The following PDK3 variants were observed in gnomAD, a reference collection of about 807,000 sequenced individuals.
The protein encoded by PDK3 is pyruvate dehydrogenase kinase, isozyme 3.
Under a neutral mutation model 32.0 loss-of-function variants are expected in PDK3, and 12 were observed. That is an observed-to-expected ratio of 0.37 (90% CI 0.24 to 0.61). The LOEUF is 0.61. PDK3 is among the 20% of genes least tolerant of loss of function. The pLI is 0.65. For synonymous variants in PDK3, 122 were observed against 116.3 expected, an observed-to-expected ratio of 1.05 and a Z score of -0.31; for missense variants, 188 against 316.9, an observed-to-expected ratio of 0.59 and a Z score of 3.09.
At chrX:24,521,228 G>A (rs902079806) in intron 6 of PDK3, among the ~76,000 whole-genome samples, 9 of 97,555 alleles carry the variant, frequency 9.2e-5, no homozygotes, top group Admixed American at 8.5e-4. Context: ...GCAGTGAGCC[G>A]AGATCACATG....
exon 12 of PDK3, chrX:24,545,894 G>A (rs1196863509): frequency 1.8e-5 from 2 of 111,880 alleles, no homozygotes; most frequent in Non-Finnish European, 3.8e-5. Context: ...TGAATAGTAC[G>A]ATTGAGAGAT....
downstream of PDK3, among the ~76,000 whole-genome samples, chrX:24,535,523 G>A (rs1250931671): frequency 2.5e-5 from 2 of 81,125 alleles, no homozygotes; most frequent in African/African-American, 5.7e-5. Flanking sequence ...AAAAAAAAAA[G>A]AAGAAGAAGA....
At chrX:24,480,313 A>G (rs1040689035) in intron 1 of PDK3, among the ~76,000 whole-genome samples, 1 of 112,572 alleles carries the variant, frequency 8.9e-6, no homozygotes, top group Non-Finnish European at 1.9e-5. Context: ...AGACAACAGT[A>G]CATGGGTAAA....
chrX:24,494,716 A>T, intron 1 of PDK3, 26 bp from the exon 2 acceptor site: 1 of 1,137,804 alleles, frequency 8.8e-7, no homozygotes, highest in Admixed American at 2.4e-5. Context: ...CTATAAAATC[A>T]TGGAACATTT....
intron 6 of PDK3, 63 bp from the exon 7 acceptor site, chrX:24,526,135 A>G: frequency 1.2e-6 from 1 of 828,912 alleles, no homozygotes; most frequent in Non-Finnish European, 1.8e-6. Context: ...GAATGCAAAC[A>G]TCATTCTTGA....
At chrX:24,470,073 G>C in intron 1 of PDK3, among the ~76,000 whole-genome samples, 1 of 111,789 alleles carries the variant, frequency 8.9e-6, no homozygotes. Context: ...TCCTGGGTTT[G>C]TTTTATTGAT....
chrX:24,533,796 G>T lies in PDK3; in HGVS notation c.1078-133G>T, dbSNP rs963891628. The T allele has an allele frequency of 1.3e-4, 85 of 661,689 alleles. 1 individual carries two copies. In the African/African-American group the frequency reaches 1.8e-3, roughly 14 times the overall value. 54.5% of individuals were successfully genotyped at this position (661,689 alleles called of 1,213,427 possible). A position where few individuals can be genotyped will look rare whatever the true frequency, so the allele number is the denominator to read the frequency against. Reference sequence around the variant, plus strand: ...TGGCCAGTCTAAGTAAACTACTAAGGTGTAATTTTAATATCATTTTGAAAA... The same window carrying T: ...TGGCCAGTCTAAGTAAACTACTAAGTTGTAATTTTAATATCATTTTGAAAA... On this transcript the variant is annotated intron_variant, in intron 10 of 10. Coordinates refer to ENST00000379162, the MANE Select transcript of PDK3 (RefSeq NM_005391.5).
At chrX:24,483,965 C>T (rs761172243) in intron 1 of PDK3, among the ~76,000 whole-genome samples, 91 of 107,097 alleles carry the variant, frequency 8.5e-4, no homozygotes, top group Non-Finnish European at 1.4e-3. Flanking sequence ...CCTCCCGCCC[C>T]GGCCTACCAC....
At chrX:24,501,591 G>A (rs1195953137) in intron 3 of PDK3, among the ~76,000 whole-genome samples, 11 of 112,295 alleles carry the variant, frequency 9.8e-5, no homozygotes, top group South Asian at 7.4e-4. Flanking sequence ...GTGGGCACCT[G>A]TAATCCCAGG....
At position 24,490,831 on chromosome X, in the gene PDK3, C is replaced by T. The variant is rs753005403; in HGVS notation, c.107-3911C>T. On this transcript the variant is annotated intron_variant, in intron 1 of 10. Coordinates refer to ENST00000379162, the MANE Select transcript of PDK3 (RefSeq NM_005391.5). ...GCCAGCTCTCACTGCTCACAACATGCTCGTATCCTGTGACTCCTAACAGGC... is the reference window on the plus strand; with the variant it reads ...GCCAGCTCTCACTGCTCACAACATGTTCGTATCCTGTGACTCCTAACAGGC... Among the ~76,000 whole-genome samples the T allele has an allele frequency of 1.6e-4, 18 of 111,703 alleles. No homozygotes were observed. In the Admixed American group the frequency reaches 1.7e-3, roughly 11 times the overall value.
chrX:24,520,054 G>A (rs1602122675), intron 6 of PDK3, among the ~76,000 whole-genome samples: 1 of 111,682 alleles, frequency 9.0e-6, no homozygotes, highest in African/African-American at 3.3e-5. Flanking sequence ...TTAGCCAGGC[G>A]TGGTGGCACT....
chrX:24,484,151 A>G (rs1464095107), intron 1 of PDK3, among the ~76,000 whole-genome samples: 1 of 110,766 alleles, frequency 9.0e-6, no homozygotes, highest in African/African-American at 3.3e-5. Context: ...AGCTGGGACT[A>G]CAGGCACGTG....
chrX:24,502,094 A>G (rs928794659), intron 3 of PDK3, among the ~76,000 whole-genome samples: 2 of 111,351 alleles, frequency 1.8e-5, no homozygotes, highest in African/African-American at 6.5e-5. Flanking sequence ...CTAAAATTCT[A>G]CATAGTCATA....
chrX:24,488,261 T>A (rs1484021300), intron 1 of PDK3, among the ~76,000 whole-genome samples: 1 of 111,660 alleles, frequency 9.0e-6, no homozygotes, highest in Non-Finnish European at 1.9e-5. Context: ...TGAAAGTCAT[T>A]TATATTTCTG....
intron 1 of PDK3, among the ~76,000 whole-genome samples, chrX:24,487,239 C>G (rs750168168): frequency 1.2e-4 from 13 of 112,323 alleles, no homozygotes; most frequent in Non-Finnish European, 2.3e-4. Flanking sequence ...CCTAGTAAAT[C>G]AAAAAATTAA....
downstream of PDK3, among the ~76,000 whole-genome samples, chrX:24,535,865 A>T (rs1327654101): frequency 1.9e-5 from 2 of 105,174 alleles, no homozygotes; most frequent in African/African-American, 6.9e-5. Context: ...TTATATTTTT[A>T]GTAGAGACAG....
intron 1 of PDK3, among the ~76,000 whole-genome samples, chrX:24,493,314 G>A (rs1314400316): frequency 9.3e-6 from 1 of 107,342 alleles, no homozygotes; most frequent in Non-Finnish European, 1.9e-5. Flanking sequence ...GGTCAGGGAT[G>A]AGTGGGGAAG....
intron 1 of PDK3, among the ~76,000 whole-genome samples, chrX:24,488,386 A>C (rs1487242848): frequency 8.9e-6 from 1 of 112,518 alleles, no homozygotes; most frequent in Admixed American, 9.4e-5. Context: ...ATAAAAGGAC[A>C]AAGTATAAAA....
chrX:24,494,866 G>A lies in PDK3; in HGVS notation c.231G>A (p.Val77=). 1 of 1,207,586 alleles carries A rather than the reference G, an allele frequency of 8.3e-7. No individual in the cohort carries two copies. The highest frequency in any genetic ancestry group is 1.7e-5 in the African/African-American group (1 of 57,748). The change falls in exon 2 of 11, where the codon GTG becomes GTA. Residue 77 remains valine (V), a synonymous_variant. Transcript: ENST00000379162. Reference sequence around the variant, plus strand: ...ATAATTTACTTAACCGCCCTTCAGTGGGATTGGTTCAGAGTTGGTAAGTAA... The same window carrying A: ...ATAATTTACTTAACCGCCCTTCAGTAGGATTGGTTCAGAGTTGGTAAGTAA... The part of the protein sequence containing the change: ...LPDNLLNRPS[V]GLVQSWYMQS...
Sources: allele counts gnomAD v4.1 joint callset (sites outside exome capture counted in the v4.1 genomes callset), GRCh38; gene constraint gnomAD v4.1.1; transcripts MANE v1.5; gene names NCBI Gene and HGNC (gene_info 2026-07-23, HGNC 2026-07-21).